The following ANO10 variants were observed in gnomAD, a reference collection of about 807,000 sequenced individuals.
ANO10 encodes anoctamin-10.
ANO10 carries 77 observed loss-of-function variants against 74.7 expected under a neutral mutation model. The ratio of observed to expected loss-of-function variants is 1.03; its 90% CI spans 0.86 to 1.25. ANO10 has a LOEUF of 1.25. Among genes scored for constraint, ANO10 ranks in the 50% most tolerant of loss-of-function variants. The pLI is 0.00. For missense variants in ANO10, 721 were observed against 778.1 expected (o/e 0.93, Z 0.87); for synonymous variants, 279 against 284.9 (o/e 0.98, Z 0.21).
intron 11 of ANO10, among the ~76,000 whole-genome samples, chr3:43,435,017 C>T (rs558758719): frequency 5.9e-5 from 9 of 152,250 alleles, no homozygotes; most frequent in Admixed American, 1.3e-4. Context: ...CTTTAATGGA[C>T]ATGAATTACT....
chr3:43,471,041 C>T (rs2075836816), intron 11 of ANO10, among the ~76,000 whole-genome samples: 1 of 152,122 alleles, frequency 6.6e-6, no homozygotes, highest in African/African-American at 2.4e-5. Context: ...TTTAATGTTA[C>T]ATCATTAAAC....
At chr3:43,662,521 A>G (rs939254975) in intron 1 of ANO10, among the ~76,000 whole-genome samples, 11 of 152,158 alleles carry the variant, frequency 7.2e-5, no homozygotes, top group Non-Finnish European at 1.5e-4. Flanking sequence ...AGAGCAAACA[A>G]ATTCAACAGC....
At chr3:43,555,649 G>A (rs2079711098) in intron 9 of ANO10, among the ~76,000 whole-genome samples, 180 bp from the exon 10 acceptor site, 1 of 152,082 alleles carries the variant, frequency 6.6e-6, no homozygotes, top group South Asian at 2.1e-4. Context: ...CCACACACAT[G>A]CAATAATAAT....
At chr3:43,575,464 T>A (rs1274374966) in intron 6 of ANO10, among the ~76,000 whole-genome samples, 1 of 152,160 alleles carries the variant, frequency 6.6e-6, no homozygotes, top group Non-Finnish European at 1.5e-5. Context: ...TTGGGTAAGT[T>A]ACTTAACCTC....
chr3:43,503,098 T>C (rs1017708713), intron 11 of ANO10, among the ~76,000 whole-genome samples: 2 of 152,148 alleles, frequency 1.3e-5, no homozygotes, highest in Non-Finnish European at 2.9e-5. Context: ...TTATGTATAT[T>C]TTACCACAAT....
intron 12 of ANO10, among the ~76,000 whole-genome samples, chr3:43,384,467 C>G (rs80161565): frequency 0.024 from 3,699 of 152,230 alleles, 162 homozygotes; most frequent in African/African-American, 0.083. Flanking sequence ...GCCTGCATAG[C>G]CAAAGCAAGA....
intron 12 of ANO10, among the ~76,000 whole-genome samples, chr3:43,392,637 T>C (rs903368416): frequency 7.2e-5 from 11 of 152,226 alleles, no homozygotes; most frequent in African/African-American, 2.7e-4. Context: ...AAGGGACAAA[T>C]TCCTAGAATT....
chr3:43,384,169 A>G (rs1447373213), intron 12 of ANO10, among the ~76,000 whole-genome samples: 2 of 151,562 alleles, frequency 1.3e-5, no homozygotes, highest in Non-Finnish European at 1.5e-5. Context: ...TTCTTTTAAA[A>G]TAGCTTCAAA....
intron 11 of ANO10, among the ~76,000 whole-genome samples, chr3:43,531,225 C>T (rs1448631897): frequency 1.3e-5 from 2 of 152,284 alleles, no homozygotes; most frequent in East Asian, 3.9e-4. Context: ...CAAGAACCAA[C>T]CTACATTTTT....
intron 12 of ANO10, among the ~76,000 whole-genome samples, chr3:43,384,201 C>T (rs1436453380): frequency 6.6e-6 from 1 of 151,606 alleles, no homozygotes; most frequent in Non-Finnish European, 1.5e-5. Flanking sequence ...AAGTAAAATA[C>T]TTAGGAATAT....
chr3:43,686,832 C>T (rs2084281227), intron 1 of ANO10, among the ~76,000 whole-genome samples: 1 of 152,094 alleles, frequency 6.6e-6, no homozygotes, highest in African/African-American at 2.4e-5. Flanking sequence ...GAGCTCATTA[C>T]TTAAAGGGTA....
chr3:43,631,021 G>A (rs1304105502), intron 1 of ANO10, among the ~76,000 whole-genome samples: 1 of 152,200 alleles, frequency 6.6e-6, no homozygotes, highest in Admixed American at 6.5e-5. Context: ...GAGTTTGACT[G>A]ATGGTTCAAG....
chr3:43,468,297 G>A (rs1436761531), intron 11 of ANO10, among the ~76,000 whole-genome samples: 1 of 152,152 alleles, frequency 6.6e-6, no homozygotes, highest in Non-Finnish European at 1.5e-5. Flanking sequence ...CATCCCCAGT[G>A]TGCAGCACAG....
intron 1 of ANO10, among the ~76,000 whole-genome samples, chr3:43,613,673 T>C (rs946494240): frequency 6.6e-6 from 1 of 152,140 alleles, no homozygotes; most frequent in Non-Finnish European, 1.5e-5. Flanking sequence ...TTTTTCATAA[T>C]AAAAAGCTGG....
At chr3:43,461,406 GA>G (rs1011014789) in intron 11 of ANO10, among the ~76,000 whole-genome samples, 8 of 152,152 alleles carry the variant, frequency 5.3e-5, no homozygotes, top group African/African-American at 1.9e-4. Context: ...GTTTTATTGG[GA>G]AAGTATATAA....
At chr3:43,454,968 C>T (rs930464287) in intron 11 of ANO10, among the ~76,000 whole-genome samples, 2 of 152,094 alleles carry the variant, frequency 1.3e-5, no homozygotes, top group African/African-American at 4.8e-5. Context: ...GAGGGAGTCT[C>T]CTGGAGCCTG....
chr3:43,462,517 C>A (rs1180701482), intron 11 of ANO10, among the ~76,000 whole-genome samples: 2 of 152,150 alleles, frequency 1.3e-5, no homozygotes, highest in Admixed American at 1.3e-4. Context: ...AGGTGTTAAA[C>A]CACCATACCA....
At chr3:43,572,003 A>G (rs1035215294) in intron 7 of ANO10, among the ~76,000 whole-genome samples, 3 of 152,134 alleles carry the variant, frequency 2.0e-5, no homozygotes, top group Admixed American at 1.3e-4. Context: ...GAACTCTGAA[A>G]GGTGCTTAAA....
chr3:43,604,812 AAAG>A (rs1259199815), intron 2 of ANO10, among the ~76,000 whole-genome samples: 1 of 152,218 alleles, frequency 6.6e-6, no homozygotes, highest in Non-Finnish European at 1.5e-5. Context: ...CAAAAATTTT[AAAG>A]AACAGACTTA....
Sources: allele counts gnomAD v4.1 joint callset (sites outside exome capture counted in the v4.1 genomes callset), GRCh38; gene constraint gnomAD v4.1.1; transcripts MANE v1.5; gene names NCBI Gene and HGNC (gene_info 2026-07-23, HGNC 2026-07-21).